The following CYP51A1 variants were observed in gnomAD, a reference collection of about 807,000 sequenced individuals.
CYP51A1 encodes the protein cytochrome P450 family 51 subfamily A member 1.
Under a neutral mutation model 53.5 loss-of-function variants are expected in CYP51A1, and 45 were observed. The observed-to-expected ratio is 0.84, with a 90% CI of 0.66 to 1.08. The LOEUF (loss-of-function observed/expected upper bound fraction) is 1.08. Ranked by LOEUF, CYP51A1 falls within the 50% of genes least tolerant of loss-of-function variation. The pLI, the probability that CYP51A1 is intolerant of heterozygous loss-of-function variation, is 0.00. For synonymous variants in CYP51A1, 181 were observed against 217.7 expected, an observed-to-expected ratio of 0.83 and a Z score of 1.48; for missense variants, 462 against 621.7, an observed-to-expected ratio of 0.74 and a Z score of 2.73.
rs749035329 is a variant in CYP51A1 at position 92,113,660 on chromosome 7, C to G, written c.*5G>C. On this transcript the variant is annotated 3_prime_UTR_variant, in exon 10 of 10. Transcript: ENST00000003100. ...ATCACATATATTCGTTCCTTGCAAC[C>G]TTTTTCATTTTGATCTTCGTTTGTA... The G allele has an allele frequency of 1.2e-6, 2 of 1,610,872 alleles. No individual in the cohort carries two copies. Among genetic ancestry groups the G allele is most frequent in the South Asian group, 2.2e-5 (2 of 90,842 alleles).
Position 92,129,898 on chromosome 7 carries a change from G to A in CYP51A1, c.292-842C>T, listed in dbSNP as rs985539475. Among the ~76,000 whole-genome samples, 3 of 152,018 alleles carry A rather than the reference G, an allele frequency of 2.0e-5. No individual in the cohort carries two copies. In the East Asian group the frequency reaches 5.8e-4, roughly 29 times the overall value. Reference sequence around the variant, plus strand: ...GTTTGGTAGCTAAACATACACAAAGGCCCTAAAAGTAAGAGAAAGAGAAAG... The same window carrying A: ...GTTTGGTAGCTAAACATACACAAAGACCCTAAAAGTAAGAGAAAGAGAAAG... On this transcript the variant is annotated intron_variant, in intron 2 of 9. Coordinates refer to ENST00000003100, the MANE Select transcript of CYP51A1 (RefSeq NM_000786.4).
intron 9 of CYP51A1, among the ~76,000 whole-genome samples, chr7:92,116,248 G>A (rs1012406409): frequency 2.0e-5 from 3 of 152,168 alleles, no homozygotes; most frequent in African/African-American, 7.2e-5. Context: ...ACTCCAGACT[G>A]GGTGACAGAG....
Position 92,113,621 on chromosome 7 carries a change from G to T in CYP51A1, c.*44C>A, listed in dbSNP as rs766932673. ...CTTCATTCTCTTCGAATGCCTTTGTGGCTTACAGTGATAATCACATATATT... is the reference window on the plus strand; with the variant it reads ...CTTCATTCTCTTCGAATGCCTTTGTTGCTTACAGTGATAATCACATATATT... On this transcript the variant is annotated 3_prime_UTR_variant, in exon 10 of 10. Coordinates refer to ENST00000003100, the MANE Select transcript of CYP51A1 (RefSeq NM_000786.4). 40 of 1,562,850 alleles carry T rather than the reference G, an allele frequency of 2.6e-5. No homozygotes were observed. The highest frequency in any genetic ancestry group is 3.3e-5 in the Non-Finnish European group (38 of 1,140,198).
chr7:92,126,348 G>T lies in CYP51A1; in HGVS notation c.675C>A (p.Leu225=), dbSNP rs1292983632. 6.2e-7 allele frequency: 1 copy of T among 1,613,262 alleles called. No homozygotes were observed. ...CATACAGCTGTGCTACCTTTTCATT[G>T]AGTTGACTTCTGATTTCCTTTCCAT... ...CLHGKEIRSQ[L]NEKVAQLYAD... The change falls in exon 5 of 10, where the codon CTC becomes CTA. Residue 225 remains leucine, a synonymous_variant. Coordinates refer to ENST00000003100, the MANE Select transcript of CYP51A1 (RefSeq NM_000786.4).
At chr7:92,131,591 A>G (rs775894348) in intron 2 of CYP51A1, among the ~76,000 whole-genome samples, 183 bp downstream of exon 2, 10 of 152,262 alleles carry the variant, frequency 6.6e-5, no homozygotes, top group Non-Finnish European at 4.4e-5. Flanking sequence ...GGGAAAAGCT[A>G]AAAGGATAGG....
intron 5 of CYP51A1, 52 bp downstream of exon 5, chr7:92,126,201 C>T (rs1819796555): frequency 1.5e-6 from 2 of 1,330,670 alleles, no homozygotes; most frequent in Admixed American, 2.9e-5. Context: ...ACCAACACTA[C>T]AATAATTATA....
intron 1 of CYP51A1, 97 bp downstream of exon 1, chr7:92,134,076 C>G (rs1475534264): frequency 8.3e-7 from 1 of 1,205,566 alleles, no homozygotes; most frequent in Non-Finnish European, 1.2e-6. Flanking sequence ...CCTTGCCATC[C>G]ACTGAGCCGG....
chr7:92,126,155 A>G (rs1819795728), intron 5 of CYP51A1, 98 bp downstream of exon 5: 1 of 806,220 alleles, frequency 1.2e-6, no homozygotes. Flanking sequence ...TGTATGTTTT[A>G]CTTGTTTAAT....
In CYP51A1 at chr7:92,127,645, C is replaced by A. The variant is rs1205748909; in HGVS notation, c.469-14G>T. 6.2e-7 allele frequency: 1 copy of A among 1,612,872 alleles called. No homozygotes were observed. Among genetic ancestry groups the A allele is most frequent in the Non-Finnish European group, 8.5e-7 (1 of 1,179,484 alleles). The stretch of plus-strand genomic sequence containing the variant: ...CTCCAAGAAAACCTTCAAAAAAATT[C>A]AAAACGGGGATACGGCATTAAAACA... On this transcript the variant is annotated splice_polypyrimidine_tract_variant and intron_variant, in intron 3 of 9. Transcript: ENST00000003100.
At chr7:92,125,047 G>A (rs1383350919) in intron 5 of CYP51A1, among the ~76,000 whole-genome samples, 2 of 151,766 alleles carry the variant, frequency 1.3e-5, no homozygotes, top group Admixed American at 6.6e-5. Flanking sequence ...GGGAGGCTGA[G>A]GCAGGAGAAT....
intron 8 of CYP51A1, among the ~76,000 whole-genome samples, chr7:92,117,962 T>C (rs1044929426): frequency 7.0e-6 from 1 of 142,182 alleles, no homozygotes; most frequent in Non-Finnish European, 1.5e-5. Flanking sequence ...CACTCCAGCC[T>C]GGGCAACAAG....
Position 92,134,354 on chromosome 7 carries a change from G to A in CYP51A1, c.11C>T (p.Ala4Val). ...CAAGCCCAGCAGCAGCATCCCAGCC[G>A]CCGCCGCCATTCACTCCGTCGGAAA... MAA[A>V]AGMLLLGLLQ... Residue 4 changes from alanine to valine, a missense_variant, in exon 1 of 10, where the codon GCG becomes GTG. By Grantham distance (64) the Ala-to-Val change is moderately conservative (BLOSUM62 0). Transcript: ENST00000003100. 1 of 1,581,060 alleles carries A rather than the reference G, an allele frequency of 6.3e-7. No homozygotes were observed.
In CYP51A1 at chr7:92,113,794, T is replaced by C. The variant is rs1190346398; in HGVS notation, c.1401A>G (p.Thr467=). 1.5e-5 allele frequency: 24 copies of C among 1,611,130 alleles called. No individual in the cohort carries two copies. Among genetic ancestry groups the C allele is most frequent in the Non-Finnish European group, 2.0e-5 (24 of 1,178,948 alleles). Residue 467 remains threonine, a synonymous_variant, in exon 10 of 10, where the codon ACA becomes ACG. Coordinates refer to ENST00000003100, the MANE Select transcript of CYP51A1 (RefSeq NM_000786.4). ...ATAAACGAAGCATAGTGGACCAAAT[T>C]GTCTTAATTTGAACATAGGCAAAAT... is the stretch of plus-strand genomic sequence containing the variant. The part of the protein sequence containing the change: ...GENFAYVQIK[T]IWSTMLRLYE...
chr7:92,115,034 C>G (rs1819556227), intron 9 of CYP51A1, among the ~76,000 whole-genome samples: 2 of 152,068 alleles, frequency 1.3e-5, no homozygotes, highest in South Asian at 4.1e-4. Context: ...AAGAATAGTC[C>G]AAGGATTTAA....
intron 3 of CYP51A1, among the ~76,000 whole-genome samples, chr7:92,128,453 TGTGC>T (rs1047114888): frequency 8.4e-5 from 12 of 142,646 alleles, no homozygotes; most frequent in African/African-American, 3.4e-4. Context: ...TGTGTGTGTG[TGTGC>T]GCGTGCGTGT....
intron 7 of CYP51A1, among the ~76,000 whole-genome samples, chr7:92,120,743 T>C (rs1819675280): frequency 6.6e-6 from 1 of 152,128 alleles, no homozygotes; most frequent in Non-Finnish European, 1.5e-5. Flanking sequence ...ATGTAAGATA[T>C]GAAACTACAA....
rs767598971 is a variant in CYP51A1 at position 92,129,018 on chromosome 7, T to C, written c.330A>G (p.Thr110=). The C allele has an allele frequency of 6.2e-7, 1 of 1,613,834 alleles. No individual in the cohort carries two copies. ...PVFSFTMVGK[T]FTYLLGSDAA... is the part of the protein sequence containing the mutation. Reference sequence around the variant, plus strand: ...CATCACTCCCCAGAAGGTAAGTAAATGTCTTGCCTACCATGGTAAAACTAA... The same window carrying C: ...CATCACTCCCCAGAAGGTAAGTAAACGTCTTGCCTACCATGGTAAAACTAA... Residue 110 remains threonine, a synonymous_variant, in exon 3 of 10, where the codon ACA becomes ACG. Coordinates refer to ENST00000003100, the MANE Select transcript of CYP51A1 (RefSeq NM_000786.4).
intron 7 of CYP51A1, among the ~76,000 whole-genome samples, chr7:92,121,015 C>T (rs890200793): frequency 2.6e-5 from 4 of 152,126 alleles, no homozygotes; most frequent in Non-Finnish European, 5.9e-5. Flanking sequence ...ACCAACTGGG[C>T]ATGGTGGCTC....
intron 5 of CYP51A1, among the ~76,000 whole-genome samples, chr7:92,125,254 A>G (rs143069263): frequency 1.3e-5 from 2 of 152,256 alleles, no homozygotes; most frequent in East Asian, 3.9e-4. Context: ...TGAAACTGCA[A>G]AGCTCCTTGC....
Sources: gnomAD v4.1 joint callset for allele counts (sites outside exome capture counted in the v4.1 genomes callset) on GRCh38, gnomAD v4.1.1 for gene constraint, MANE v1.5 for transcripts, NCBI Gene and HGNC (gene_info 2026-07-23, HGNC 2026-07-21) for gene names.